TRIM9: variants seen among roughly 807,000 people sequenced by gnomAD.
The protein encoded by TRIM9 is E3 ubiquitin-protein ligase TRIM9.
A neutral mutation model predicts 78.3 loss-of-function variants in TRIM9; 26 were observed. That is an observed-to-expected ratio of 0.33 (90% CI 0.24 to 0.46). TRIM9 has a LOEUF of 0.46. Ranked by LOEUF, TRIM9 falls within the 20% of genes least tolerant of loss-of-function variation. The probability of loss-of-function intolerance (pLI) is 1.00; values close to 1 mark genes in which losing one functional copy is unlikely to be tolerated. For synonymous variants in TRIM9, 398 were observed against 416.5 expected, an observed-to-expected ratio of 0.96 and a Z score of 0.54; for missense variants, 787 against 1,036.4, an observed-to-expected ratio of 0.76 and a Z score of 3.30.
chr14:51,049,383 G>A (rs1389496982), intron 1 of TRIM9, among the ~76,000 whole-genome samples: 2 of 152,208 alleles, frequency 1.3e-5, no homozygotes, highest in African/African-American at 4.8e-5. Flanking sequence ...GTGCAGTGGA[G>A]TCTTGCCTTA....
At chr14:50,998,574 C>T (rs2054536473) in intron 6 of TRIM9, among the ~76,000 whole-genome samples, 1 of 152,134 alleles carries the variant, frequency 6.6e-6, no homozygotes, top group South Asian at 2.1e-4. Context: ...TATATAGCCC[C>T]TACTGAGCTC....
chr14:51,052,308 A>G (rs923420722), intron 1 of TRIM9, among the ~76,000 whole-genome samples: 1 of 152,212 alleles, frequency 6.6e-6, no homozygotes, highest in African/African-American at 2.4e-5. Flanking sequence ...CTTAAAAATA[A>G]CAAAAGAGTC....
chr14:50,988,642 C>A (rs2053063050), intron 7 of TRIM9, among the ~76,000 whole-genome samples: 1 of 150,744 alleles, frequency 6.6e-6, no homozygotes. Flanking sequence ...TGGGCTTTTA[C>A]CGTATTTTCT....
chr14:51,014,987 C>G (rs1235095403), intron 3 of TRIM9, among the ~76,000 whole-genome samples: 3 of 152,174 alleles, frequency 2.0e-5, no homozygotes, highest in Non-Finnish European at 4.4e-5. Flanking sequence ...TCCCACAGGA[C>G]AGTGAATTAA....
At chr14:50,994,346 G>A (rs1162269073) in intron 7 of TRIM9, among the ~76,000 whole-genome samples, 1 of 152,234 alleles carries the variant, frequency 6.6e-6, no homozygotes, top group African/African-American at 2.4e-5. Flanking sequence ...GTAGGAGGCT[G>A]CAGTGAGCTA....
intron 5 of TRIM9, among the ~76,000 whole-genome samples, chr14:51,003,300 C>CG (rs200246373): frequency 3.3e-5 from 5 of 152,006 alleles, no homozygotes; most frequent in African/African-American, 9.7e-5. Flanking sequence ...TGATTCCCCC[C>CG]GGGGGGTATT....
chr14:50,982,485 C>G (rs1190257219), intron 10 of TRIM9, among the ~76,000 whole-genome samples: 14 of 152,190 alleles, frequency 9.2e-5, no homozygotes. Context: ...GGCGGGGAGG[C>G]TAGGAGCTAG....
chr14:51,027,513 G>A (rs1346809637), intron 1 of TRIM9, among the ~76,000 whole-genome samples: 3 of 151,418 alleles, frequency 2.0e-5, no homozygotes, highest in African/African-American at 4.9e-5. Context: ...GGGATTCGCA[G>A]GACAGATTCC....
intron 1 of TRIM9, among the ~76,000 whole-genome samples, chr14:51,060,632 A>G (rs1047867108): frequency 2.0e-5 from 3 of 152,054 alleles, no homozygotes. Context: ...ACGCCCGGCT[A>G]ATTTTTTTGT....
chr14:51,051,203 G>A (rs1298991793), intron 1 of TRIM9, among the ~76,000 whole-genome samples: 1 of 152,184 alleles, frequency 6.6e-6, no homozygotes, highest in Non-Finnish European at 1.5e-5. Context: ...ATAACTATAG[G>A]AAACCTTCGT....
intron 1 of TRIM9, among the ~76,000 whole-genome samples, chr14:51,054,686 G>A (rs1212697328): frequency 6.6e-6 from 1 of 151,956 alleles, no homozygotes; most frequent in Non-Finnish European, 1.5e-5. Flanking sequence ...CTATTCTCCT[G>A]CCTCAGCCTC....
At chr14:50,982,143 C>A (rs757429788) in intron 10 of TRIM9, 40 bp from the exon 11 acceptor site, 7 of 1,602,672 alleles carry the variant, frequency 4.4e-6, no homozygotes, top group Non-Finnish European at 6.0e-6. Context: ...TAAGACAGAC[C>A]CAACAAGCTC....
intron 1 of TRIM9, among the ~76,000 whole-genome samples, chr14:51,071,551 C>T (rs542406070): frequency 1.7e-3 from 252 of 152,010 alleles, no homozygotes; most frequent in African/African-American, 5.2e-3. Context: ...TGTAATCCCA[C>T]CACTTTGGGA....
chr14:50,978,478 T>C (rs1384903358), intron 12 of TRIM9, among the ~76,000 whole-genome samples: 1 of 152,158 alleles, frequency 6.6e-6, no homozygotes, highest in Non-Finnish European at 1.5e-5. Context: ...CCTCATGCCT[T>C]AGAAACTGTG....
At position 51,094,469 on chromosome 14, in the gene TRIM9, G is replaced by A. The variant is rs2064745295; in HGVS notation, c.471C>T (p.Arg157=). 1.2e-6 allele frequency: 2 copies of A among 1,613,696 alleles called. No homozygotes were observed. The highest frequency in any genetic ancestry group is 1.1e-5 in the South Asian group (1 of 91,074). Residue 157 remains arginine (R), a synonymous_variant, in exon 1 of 13, where the codon CGC becomes CGT. Transcript: ENST00000684578. ...GGGCCGCGGCTTTGCTCTGCTGGTA[G>A]CGGTCAATTACCCCTTCCAGTACGC... ...KNRVLEGVID[R]YQQSKAAALK... is the part of the protein sequence containing the mutation.
intron 3 of TRIM9, among the ~76,000 whole-genome samples, chr14:51,012,864 A>C (rs1346267657): frequency 6.6e-6 from 1 of 152,154 alleles, no homozygotes; most frequent in African/African-American, 2.4e-5. Context: ...CCTCGCTGCT[A>C]ATCAGGTCTT....
chr14:50,997,131 C>T, intron 7 of TRIM9: 7 of 985,368 alleles, frequency 7.1e-6, no homozygotes, highest in Non-Finnish European at 8.4e-6. Context: ...ATTAAAATGA[C>T]ACCCCAAAGT....
In TRIM9 at chr14:50,986,382, C is replaced by T. The variant is rs1432109027; in HGVS notation, c.1604-238G>A. On this transcript the variant is annotated intron_variant, in intron 7 of 12. Coordinates refer to ENST00000684578, the MANE Select transcript of TRIM9 (RefSeq NM_001387360.1). ...ACAAAGGCAATTGTTGTCACTTTCC[C>T]GATTTTTAGTGGTAGAAAATTGGAA... The T allele has an allele frequency of 1.4e-5, 5 of 347,656 alleles. No individual in the cohort carries two copies. In the East Asian group the frequency reaches 1.7e-4, roughly 12 times the overall value. 21.5% of individuals were successfully genotyped at this position (347,656 alleles called of 1,614,324 possible).
intron 1 of TRIM9, among the ~76,000 whole-genome samples, chr14:51,041,939 ATCGCCG>A (rs1369099239): frequency 1.3e-5 from 2 of 152,252 alleles, no homozygotes; most frequent in African/African-American, 4.8e-5. Flanking sequence ...GTAACCTTGT[ATCGCCG>A]AATCCATTAA....
Sources: gnomAD v4.1 joint callset for allele counts (sites outside exome capture counted in the v4.1 genomes callset) on GRCh38, gnomAD v4.1.1 for gene constraint, MANE v1.5 for transcripts, NCBI Gene and HGNC (gene_info 2026-07-23, HGNC 2026-07-21) for gene names.